The following CERKL variants were observed in gnomAD, a reference collection of about 807,000 sequenced individuals.
The protein encoded by CERKL is ceramide kinase-like protein.
CERKL carries 61 observed loss-of-function variants against 63.4 expected under a neutral mutation model. That is an observed-to-expected ratio of 0.96 (90% CI 0.78 to 1.19). The LOEUF (loss-of-function observed/expected upper bound fraction) is 1.19, where lower values mean the gene tolerates loss of function less well. CERKL is among the 50% of genes most tolerant of loss of function. The pLI is 0.00. For missense variants in CERKL, 675 were observed against 655.5 expected (o/e 1.03, Z -0.33); for synonymous variants, 250 against 230.5 (o/e 1.08, Z -0.77).
At chr2:181,618,097 G>A (rs564250368) in intron 1 of CERKL, among the ~76,000 whole-genome samples, 2 of 152,274 alleles carry the variant, frequency 1.3e-5, no homozygotes, top group African/African-American at 4.8e-5. Flanking sequence ...AGTGTGGAAT[G>A]ATAGACAAAG....
intron 1 of CERKL, among the ~76,000 whole-genome samples, chr2:181,620,536 C>T (rs1559109793): frequency 6.6e-6 from 1 of 152,206 alleles, no homozygotes; most frequent in African/African-American, 2.4e-5. Flanking sequence ...GTTGAAAGTT[C>T]AGAGTATTTG....
chr2:181,608,983 A>T (rs1444085113), intron 1 of CERKL, among the ~76,000 whole-genome samples: 1 of 152,240 alleles, frequency 6.6e-6, no homozygotes, highest in Non-Finnish European at 1.5e-5. Flanking sequence ...TAAACTTAGC[A>T]AAATGATTCT....
chr2:181,579,412 GT>G, intron 2 of CERKL, among the ~76,000 whole-genome samples: 1 of 151,820 alleles, frequency 6.6e-6, no homozygotes, highest in Non-Finnish European at 1.5e-5. Context: ...TTTTGTAAAT[GT>G]TTAAGAGTTA....
At chr2:181,648,735 T>C (rs545541861) in intron 1 of CERKL, among the ~76,000 whole-genome samples, 1 of 152,220 alleles carries the variant, frequency 6.6e-6, no homozygotes, top group Non-Finnish European at 1.5e-5. Context: ...ACAGCTACAA[T>C]GGCTAGGGAA....
intron 3 of CERKL, among the ~76,000 whole-genome samples, chr2:181,569,802 C>T (rs916710233): frequency 6.6e-6 from 1 of 152,124 alleles, no homozygotes; most frequent in East Asian, 1.9e-4. Context: ...GACTCCTATA[C>T]AATAGATGGG....
chr2:181,613,428 G>A (rs2105907884), intron 1 of CERKL, among the ~76,000 whole-genome samples: 1 of 152,300 alleles, frequency 6.6e-6, no homozygotes. Context: ...GGACCCAACA[G>A]TGAAAATTCT....
intron 4 of CERKL, among the ~76,000 whole-genome samples, chr2:181,560,622 G>T (rs1377043898): frequency 2.0e-5 from 3 of 152,028 alleles, no homozygotes; most frequent in Non-Finnish European, 4.4e-5. Context: ...CCTTCAATTT[G>T]CAGATTAGGA....
At chr2:181,581,471 A>G (rs1055442811) in intron 2 of CERKL, among the ~76,000 whole-genome samples, 1 of 152,232 alleles carries the variant, frequency 6.6e-6, no homozygotes, top group Non-Finnish European at 1.5e-5. Flanking sequence ...GGAACATGGT[A>G]AGACCAGTGA....
At chr2:181,645,679 G>A (rs753237868) in intron 1 of CERKL, among the ~76,000 whole-genome samples, 4 of 152,210 alleles carry the variant, frequency 2.6e-5, no homozygotes, top group Non-Finnish European at 4.4e-5. Flanking sequence ...TCAGGCACCT[G>A]CTCTTTCACT....
chr2:181,640,704 T>C (rs994911455), intron 1 of CERKL, among the ~76,000 whole-genome samples: 7 of 152,236 alleles, frequency 4.6e-5, no homozygotes, highest in African/African-American at 7.2e-5. Context: ...CTGTTCTCTA[T>C]ATCCATTGCC....
chr2:181,592,898 G>T (rs1685047138), intron 2 of CERKL, among the ~76,000 whole-genome samples: 1 of 152,072 alleles, frequency 6.6e-6, no homozygotes, highest in Non-Finnish European at 1.5e-5. Context: ...AATTCTATTA[G>T]TATAATGGCA....
At chr2:181,632,266 G>A (rs1246720934) in intron 1 of CERKL, among the ~76,000 whole-genome samples, 1 of 152,062 alleles carries the variant, frequency 6.6e-6, no homozygotes, top group Non-Finnish European at 1.5e-5. Context: ...CTCATATAGA[G>A]GGATTAGAGG....
intron 4 of CERKL, among the ~76,000 whole-genome samples, chr2:181,563,304 G>A (rs572859210): frequency 2.6e-5 from 4 of 151,994 alleles, no homozygotes; most frequent in African/African-American, 9.6e-5. Context: ...AATGTCACAA[G>A]ATGTCTCATA....
intron 1 of CERKL, among the ~76,000 whole-genome samples, chr2:181,643,602 T>C (rs1687541304): frequency 6.6e-6 from 1 of 152,244 alleles, no homozygotes; most frequent in Non-Finnish European, 1.5e-5. Context: ...ACTTTTGTTT[T>C]AGACAAATCA....
At chr2:181,580,964 G>A (rs939078982) in intron 2 of CERKL, among the ~76,000 whole-genome samples, 3 of 152,020 alleles carry the variant, frequency 2.0e-5, no homozygotes, top group African/African-American at 7.2e-5. Flanking sequence ...TGTCTTCTGG[G>A]TTCAGTTTGG....
chr2:181,610,475 A>G (rs1011867230), intron 1 of CERKL, among the ~76,000 whole-genome samples: 2 of 152,238 alleles, frequency 1.3e-5, no homozygotes, highest in African/African-American at 2.4e-5. Flanking sequence ...TATAATAACA[A>G]AAGTATCTGA....
rs562686255 is a variant in CERKL, at chr2:181,548,601, T to C, written c.1077A>G (p.Ala359=). ...GTAAAAATGATATTTCACAGTCTTC[T>C]GCCCTAAAATGTAATGAAATTTGTT... ...AVVKALAKLK[A]EDCEISFLPF... The change falls in exon 8 of 13, where the codon GCA becomes GCG. Residue 359 remains alanine, a synonymous_variant. Coordinates refer to ENST00000410087, the MANE Select transcript of CERKL (RefSeq NM_201548.5). The C allele has an allele frequency of 1.9e-6, 3 of 1,613,072 alleles. No individual in the cohort carries two copies. The highest frequency in any genetic ancestry group is 2.5e-6 in the Non-Finnish European group (3 of 1,179,378).
chr2:181,601,074 G>A (rs1685438348), intron 2 of CERKL, among the ~76,000 whole-genome samples: 1 of 151,904 alleles, frequency 6.6e-6, no homozygotes, highest in African/African-American at 2.4e-5. Flanking sequence ...ACAAATACAT[G>A]GAAACTAAAC....
intron 1 of CERKL, among the ~76,000 whole-genome samples, chr2:181,619,982 A>G (rs7593471): frequency 0.18 from 27,347 of 152,168 alleles, 3,904 homozygotes; most frequent in African/African-American, 0.4. Flanking sequence ...TACTTCTTTC[A>G]TTTAACAAGT....
Sources: gnomAD v4.1 joint callset for allele counts (sites outside exome capture counted in the v4.1 genomes callset) on GRCh38, gnomAD v4.1.1 for gene constraint, MANE v1.5 for transcripts, NCBI Gene and HGNC (gene_info 2026-07-23, HGNC 2026-07-21) for gene names.